Variants in SPOCK3 observed in about 807,000 individuals in gnomAD.
SPOCK3 encodes the protein SPARC (osteonectin), cwcv and kazal like domains proteoglycan 3, also known as testican-3.
In SPOCK3, 30 loss-of-function variants were observed where a neutral mutation model predicts 56.6. The ratio of observed to expected loss-of-function variants is 0.53; its 90% CI spans 0.40 to 0.72. The LOEUF (loss-of-function observed/expected upper bound fraction) is 0.72, where lower values mean the gene tolerates loss of function less well. SPOCK3 is among the 30% of genes least tolerant of loss of function. SPOCK3 has a pLI of 0.00. For missense variants in SPOCK3, 527 were observed against 530.0 expected, an observed-to-expected ratio of 0.99 and a Z score of 0.06; for synonymous variants, 196 against 183.3, an observed-to-expected ratio of 1.07 and a Z score of -0.56.
At chr4:166,933,050 A>G (rs540019381) in intron 4 of SPOCK3, among the ~76,000 whole-genome samples, 4 of 152,210 alleles carry the variant, frequency 2.6e-5, no homozygotes, top group African/African-American at 9.6e-5. Flanking sequence ...TTTTGGGGGA[A>G]TTTTTTTAAT....
intron 2 of SPOCK3, among the ~76,000 whole-genome samples, chr4:167,088,986 C>T (rs1191632444): frequency 1.3e-5 from 2 of 151,974 alleles, no homozygotes; most frequent in African/African-American, 2.4e-5. Flanking sequence ...ATGTCAAAAA[C>T]CAAGCTTATT....
chr4:166,881,685 C>G (rs566278951), intron 6 of SPOCK3, among the ~76,000 whole-genome samples: 53 of 152,174 alleles, frequency 3.5e-4, no homozygotes, highest in African/African-American at 1.3e-3. Context: ...TTAAAATTAT[C>G]ATGAGATCCT....
chr4:167,147,777 G>T (rs1418961105), intron 2 of SPOCK3, among the ~76,000 whole-genome samples: 1 of 152,080 alleles, frequency 6.6e-6, no homozygotes, highest in East Asian at 1.9e-4. Flanking sequence ...CATGGACACA[G>T]GGTGGGGAAC....
At chr4:167,145,469 A>G (rs1368405236) in intron 2 of SPOCK3, among the ~76,000 whole-genome samples, 2 of 152,032 alleles carry the variant, frequency 1.3e-5, no homozygotes, top group East Asian at 3.9e-4. Context: ...ATTTATGAAA[A>G]ATGAGTTGTC....
At chr4:166,861,931 G>C (rs1731283497) in intron 6 of SPOCK3, among the ~76,000 whole-genome samples, 1 of 152,008 alleles carries the variant, frequency 6.6e-6, no homozygotes, top group Non-Finnish European at 1.5e-5. Context: ...GGATCCATTA[G>C]CTCCACTTTA....
intron 2 of SPOCK3, among the ~76,000 whole-genome samples, chr4:167,100,910 T>C (rs1759583013): frequency 2.0e-5 from 3 of 152,140 alleles, no homozygotes; most frequent in Non-Finnish European, 4.4e-5. Context: ...GTTTCTAGGA[T>C]TTAAACCCCA....
At chr4:166,856,235 T>G (rs940076539) in intron 6 of SPOCK3, among the ~76,000 whole-genome samples, 1 of 151,794 alleles carries the variant, frequency 6.6e-6, no homozygotes, top group African/African-American at 2.4e-5. Flanking sequence ...GGGCACAAAG[T>G]TTCCATTAGA....
intron 2 of SPOCK3, among the ~76,000 whole-genome samples, chr4:167,231,623 C>T (rs1737189301): frequency 6.6e-6 from 1 of 152,062 alleles, no homozygotes; most frequent in Non-Finnish European, 1.5e-5. Context: ...TGAAAAATAA[C>T]ATCCTGAGAG....
At chr4:166,876,588 T>C (rs1733110814) in intron 6 of SPOCK3, among the ~76,000 whole-genome samples, 1 of 152,178 alleles carries the variant, frequency 6.6e-6, no homozygotes, top group Non-Finnish European at 1.5e-5. Flanking sequence ...CTAGTTTTAT[T>C]GGCACAAGGA....
At chr4:166,862,919 A>T (rs1393971779) in intron 6 of SPOCK3, among the ~76,000 whole-genome samples, 1 of 152,112 alleles carries the variant, frequency 6.6e-6, no homozygotes, top group Non-Finnish European at 1.5e-5. Context: ...AATACCACTA[A>T]GATAATCCTC....
chr4:167,150,886 A>G (rs554950127), intron 2 of SPOCK3, among the ~76,000 whole-genome samples: 83 of 152,344 alleles, frequency 5.4e-4, no homozygotes, highest in African/African-American at 1.9e-3. Context: ...AGAGTCACCA[A>G]TATGAATGCC....
At chr4:166,819,567 T>C (rs911099092) in intron 6 of SPOCK3, among the ~76,000 whole-genome samples, 1 of 151,922 alleles carries the variant, frequency 6.6e-6, no homozygotes, top group African/African-American at 2.4e-5. Flanking sequence ...CAAATATAAT[T>C]ATATATTCCT....
intron 3 of SPOCK3, among the ~76,000 whole-genome samples, chr4:167,055,353 T>TG (rs1754680028): frequency 6.6e-6 from 1 of 152,204 alleles, no homozygotes; most frequent in Non-Finnish European, 1.5e-5. Flanking sequence ...AGCTCCGGTC[T>TG]ACAGCTCCCA....
At chr4:167,084,624 C>T (rs900023161) in intron 2 of SPOCK3, among the ~76,000 whole-genome samples, 4 of 151,978 alleles carry the variant, frequency 2.6e-5, no homozygotes, top group Non-Finnish European at 4.4e-5. Context: ...TTCTAAATTT[C>T]CTATCATAGG....
chr4:166,958,921 C>T (rs1230141930), intron 4 of SPOCK3, among the ~76,000 whole-genome samples: 1 of 151,974 alleles, frequency 6.6e-6, no homozygotes, highest in East Asian at 1.9e-4. Flanking sequence ...CTTTTTTGAA[C>T]ATAAAATCAG....
chr4:166,927,960 A>T (rs2149990489), intron 4 of SPOCK3, among the ~76,000 whole-genome samples: 1 of 152,350 alleles, frequency 6.6e-6, no homozygotes, highest in South Asian at 2.1e-4. Flanking sequence ...TGCATACGGC[A>T]AATAAGCACA....
intron 2 of SPOCK3, among the ~76,000 whole-genome samples, chr4:167,155,127 T>G (rs1288316374): frequency 2.0e-5 from 3 of 150,760 alleles, no homozygotes; most frequent in African/African-American, 7.3e-5. Flanking sequence ...TTATCCACTG[T>G]TTTTTTTTAA....
At chr4:167,110,910 T>C (rs561914507) in intron 2 of SPOCK3, among the ~76,000 whole-genome samples, 1 of 152,174 alleles carries the variant, frequency 6.6e-6, no homozygotes, top group South Asian at 2.1e-4. Flanking sequence ...GATTTTATTG[T>C]TTACTTTCTT....
intron 6 of SPOCK3, among the ~76,000 whole-genome samples, chr4:166,833,242 T>C (rs996181437): frequency 6.6e-6 from 1 of 152,180 alleles, no homozygotes; most frequent in Non-Finnish European, 1.5e-5. Context: ...TCAATTCTGT[T>C]GATGTTTGTT....
Sources: allele counts gnomAD v4.1 joint callset (sites outside exome capture counted in the v4.1 genomes callset), GRCh38; gene constraint gnomAD v4.1.1; transcripts MANE v1.5; gene names NCBI Gene and HGNC (gene_info 2026-07-23, HGNC 2026-07-21).